Variants in COL24A1 observed in about 807,000 individuals in gnomAD.
COL24A1 encodes collagen alpha-1(XXIV) chain.
In COL24A1, 224 loss-of-function variants were observed where a neutral mutation model predicts 253.9. The ratio of observed to expected loss-of-function variants is 0.88; its 90% CI spans 0.79 to 0.99. The LOEUF (loss-of-function observed/expected upper bound fraction) is 0.99. COL24A1 is among the 50% of genes least tolerant of loss of function. The pLI is 0.00. For synonymous variants in COL24A1, 685 were observed against 673.7 expected (o/e 1.02, Z -0.26); for missense variants, 2,131 against 2,068.5 (o/e 1.03, Z -0.59).
At chr1:85,980,945 A>G (rs1206702207) in intron 20 of COL24A1, among the ~76,000 whole-genome samples, 1 of 152,134 alleles carries the variant, frequency 6.6e-6, no homozygotes, top group Non-Finnish European at 1.5e-5. Flanking sequence ...CCTAACCAAG[A>G]AGGTAAAAGA....
chr1:85,786,461 C>A lies in COL24A1; in HGVS notation c.3952G>T (p.Gly1318Cys), dbSNP rs1438517180. 8 of 1,611,866 alleles carry A rather than the reference C, an allele frequency of 5.0e-6. No homozygotes were observed. The highest frequency in any genetic ancestry group is 6.8e-6 in the Non-Finnish European group (8 of 1,178,992). ...GTTCTTCCTGGGCCGCCTCTGATGC[C>A]CTAAATAACACAGATAAGAAATGAA... ...IGPPGKQGLP[G>C]IRGGPGRTGL... Residue 1318 changes from glycine to cysteine, a missense_variant and splice_region_variant, in exon 48 of 60, where the codon GGC becomes TGC. By Grantham distance (159) the Gly-to-Cys change is radical. Coordinates refer to ENST00000370571, the MANE Select transcript of COL24A1 (RefSeq NM_152890.7).
At chr1:85,961,434 T>A in intron 23 of COL24A1, 141 bp from the exon 24 acceptor site, 1 of 657,368 alleles carries the variant, frequency 1.5e-6, no homozygotes, top group African/African-American at 1.8e-5. Flanking sequence ...ACTTAAAACT[T>A]TGTTATAAGT....
intron 23 of COL24A1, among the ~76,000 whole-genome samples, chr1:85,964,667 A>T (rs1433997068): frequency 1.3e-5 from 2 of 152,192 alleles, no homozygotes; most frequent in African/African-American, 4.8e-5. Flanking sequence ...GAGTATCAGC[A>T]TGACACTGAA....
intron 20 of COL24A1, among the ~76,000 whole-genome samples, chr1:85,984,619 A>G (rs1693551831): frequency 6.6e-6 from 1 of 151,862 alleles, no homozygotes; most frequent in African/African-American, 2.4e-5. Context: ...GTGAAGGGCT[A>G]AAGTTGGCAG....
At chr1:85,821,253 T>C (rs1291789930) in intron 45 of COL24A1, among the ~76,000 whole-genome samples, 3 of 152,222 alleles carry the variant, frequency 2.0e-5, no homozygotes, top group Non-Finnish European at 2.9e-5. Context: ...CACAGTCTTA[T>C]GCCCAATGAA....
At chr1:86,092,090 A>G (rs752319580) in intron 6 of COL24A1, among the ~76,000 whole-genome samples, 177 bp downstream of exon 6, 1 of 152,048 alleles carries the variant, frequency 6.6e-6, no homozygotes, top group Non-Finnish European at 1.5e-5. Context: ...AATAAGTGAA[A>G]CTGGTGATAA....
intron 5 of COL24A1, among the ~76,000 whole-genome samples, chr1:86,110,334 T>A (rs1705422516): frequency 2.0e-5 from 3 of 148,228 alleles, no homozygotes. Flanking sequence ...CCTGTATTCT[T>A]CCATACGTTT....
At chr1:85,833,449 TA>T (rs1223858629) in intron 43 of COL24A1, among the ~76,000 whole-genome samples, 1 of 152,090 alleles carries the variant, frequency 6.6e-6, no homozygotes, top group Non-Finnish European at 1.5e-5. Flanking sequence ...TGGTGATCAG[TA>T]AAAAGTCAGG....
chr1:85,743,798 A>G (rs2100921602), intron 57 of COL24A1, among the ~76,000 whole-genome samples: 1 of 152,282 alleles, frequency 6.6e-6, no homozygotes, highest in Admixed American at 6.5e-5. Context: ...GCAGAAAAAT[A>G]TCTTTAGAAG....
chr1:85,852,321 A>G (rs1057422746), intron 37 of COL24A1, among the ~76,000 whole-genome samples: 1 of 152,172 alleles, frequency 6.6e-6, no homozygotes, highest in Non-Finnish European at 1.5e-5. Context: ...GTGAATGAGT[A>G]TGGCACTAAC....
intron 2 of COL24A1, among the ~76,000 whole-genome samples, chr1:86,140,195 A>T (rs1035501621): frequency 6.6e-6 from 1 of 152,170 alleles, no homozygotes; most frequent in Non-Finnish European, 1.5e-5. Flanking sequence ...TCACTTTAGC[A>T]TTGTTAAAAA....
At chr1:85,896,183 T>C in intron 29 of COL24A1, 118 bp from the exon 30 acceptor site, 3 of 1,245,260 alleles carry the variant, frequency 2.4e-6, no homozygotes, top group African/African-American at 1.5e-5. Context: ...AGTTCATTAT[T>C]GAAAAGAAAA....
chr1:86,155,889 G>A (rs1229357859), intron 1 of COL24A1: 2 of 158,462 alleles, frequency 1.3e-5, no homozygotes, highest in Admixed American at 6.5e-5. Flanking sequence ...ACTGACCCTG[G>A]GGGACCTCTA....
chr1:86,071,988 T>C lies in COL24A1; in HGVS notation c.1708-8229A>G, dbSNP rs191402404. Among the ~76,000 whole-genome samples, 9 of 152,270 alleles carry C rather than the reference T, an allele frequency of 5.9e-5. No individual in the cohort carries two copies. In the East Asian group the frequency reaches 1.7e-3, roughly 29 times the overall value. ...ACAGAGCTATCCAGCCAAGATACTA[T>C]GCTTTTCCCACGGTCTGTGAAACCT... On this transcript the variant is annotated intron_variant, in intron 7 of 59. Transcript: ENST00000370571.
At chr1:85,983,676 T>C (rs1693455359) in intron 20 of COL24A1, among the ~76,000 whole-genome samples, 2 of 151,774 alleles carry the variant, frequency 1.3e-5, no homozygotes, top group African/African-American at 4.8e-5. Context: ...TGAAAGAAGT[T>C]TCAAGATGCT....
intron 31 of COL24A1, among the ~76,000 whole-genome samples, chr1:85,893,723 C>A (rs1184304518): frequency 6.6e-6 from 1 of 152,074 alleles, no homozygotes; most frequent in African/African-American, 2.4e-5. Context: ...TCATTTAATT[C>A]CTGGCTTAAA....
chr1:85,778,735 G>T (rs113807227), intron 52 of COL24A1, among the ~76,000 whole-genome samples: 3,099 of 151,584 alleles, frequency 0.02, 99 homozygotes, highest in African/African-American at 0.071. Context: ...CTCCCAGGTA[G>T]CTGGGATTAC....
At chr1:85,875,226 G>A in intron 34 of COL24A1, 51 bp downstream of exon 34, 5 of 1,466,538 alleles carry the variant, frequency 3.4e-6, no homozygotes, top group African/African-American at 1.4e-5. Context: ...CAAATGTAGG[G>A]GGTTCAATGG....
At chr1:85,971,953 T>C (rs181839871) in intron 20 of COL24A1, among the ~76,000 whole-genome samples, 1 of 152,304 alleles carries the variant, frequency 6.6e-6, no homozygotes, top group African/African-American at 2.4e-5. Context: ...AATAGAAATT[T>C]CAATACTAAA....
Sources: allele counts gnomAD v4.1 joint callset (sites outside exome capture counted in the v4.1 genomes callset), GRCh38; gene constraint gnomAD v4.1.1; transcripts MANE v1.5; gene names NCBI Gene and HGNC (gene_info 2026-07-23, HGNC 2026-07-21).